RPA3: variants seen among roughly 807,000 people sequenced by gnomAD.
The protein encoded by RPA3 is replication protein A 14 kDa subunit.
In RPA3, 24 loss-of-function variants were observed where a neutral mutation model predicts 13.7. The observed-to-expected ratio is 1.75, with a 90% CI of 1.27 to 2.46. The LOEUF is 2.46. Ranked by LOEUF, RPA3 falls within the 30% of genes most tolerant of loss-of-function variation. RPA3 has a pLI of 0.00. For missense variants in RPA3, 183 were observed against 151.0 expected (o/e 1.21, Z -1.11); for synonymous variants, 59 against 51.2 (o/e 1.15, Z -0.65).
At chr7:7,715,822 A>G (rs1304200439) in intron 1 of RPA3, among the ~76,000 whole-genome samples, 2 of 152,236 alleles carry the variant, frequency 1.3e-5, no homozygotes, top group African/African-American at 2.4e-5. Context: ...TAGCAGTCAT[A>G]TAAAATAGAA....
At chr7:7,637,371 T>C (rs141653473) in intron 7 of RPA3, among the ~76,000 whole-genome samples, 1 of 152,202 alleles carries the variant, frequency 6.6e-6, no homozygotes, top group Admixed American at 6.5e-5. Flanking sequence ...AAAAAACTAA[T>C]ACTATTTTTG....
chr7:7,660,449 C>G (rs12702632), intron 4 of RPA3, among the ~76,000 whole-genome samples: 20,600 of 152,184 alleles, frequency 0.14, 1,712 homozygotes, highest in Middle Eastern at 0.24. Context: ...CCTGTTGTTC[C>G]TTTCCATGTT....
At position 7,685,480 on chromosome 7, in the gene RPA3, T is replaced by G. The variant is rs545178639; in HGVS notation, c.-758+350A>C. Among the ~76,000 whole-genome samples the G allele has an allele frequency of 5.9e-5, 9 of 152,224 alleles. No homozygotes were observed. The South Asian group carries it at 6.2e-4, about 11-fold the overall frequency. The stretch of plus-strand genomic sequence containing the variant: ...GTGCGCCACCACGCCCACCAAGTTT[T>G]GTATTTTTAGTAGAGAAGGAGTTTC... On this transcript the variant is annotated intron_variant, in intron 4 of 7. Coordinates refer to ENST00000223129, the MANE Select transcript of RPA3 (RefSeq NM_002947.5).
intron 2 of RPA3, among the ~76,000 whole-genome samples, chr7:7,695,094 A>G (rs956869577): frequency 5.3e-5 from 8 of 152,154 alleles, no homozygotes; most frequent in African/African-American, 1.9e-4. Context: ...CTGGGGTGAG[A>G]TGATATCTTG....
intron 4 of RPA3, among the ~76,000 whole-genome samples, chr7:7,654,495 T>A (rs1785296461): frequency 1.3e-5 from 2 of 152,382 alleles, no homozygotes; most frequent in South Asian, 4.1e-4. Flanking sequence ...AATCCACAGA[T>A]GCTCAAGTGC....
At chr7:7,650,733 G>T (rs934372382) in intron 4 of RPA3, among the ~76,000 whole-genome samples, 3 of 152,210 alleles carry the variant, frequency 2.0e-5, no homozygotes, top group African/African-American at 4.8e-5. Flanking sequence ...TCTGCATCCT[G>T]AACCCAGAAT....
intron 4 of RPA3, among the ~76,000 whole-genome samples, chr7:7,662,221 GC>G (rs1333383965): frequency 6.6e-6 from 1 of 152,192 alleles, no homozygotes; most frequent in African/African-American, 2.4e-5. Flanking sequence ...ATAATTTCAA[GC>G]CAGTGGATCT....
intron 4 of RPA3, among the ~76,000 whole-genome samples, chr7:7,652,849 T>C (rs1785254568): frequency 6.6e-6 from 1 of 152,218 alleles, no homozygotes; most frequent in Non-Finnish European, 1.5e-5. Context: ...CAAATAATTT[T>C]TAGTTGGCAG....
chr7:7,647,231 T>G (rs1785118558), intron 4 of RPA3, among the ~76,000 whole-genome samples: 1 of 152,228 alleles, frequency 6.6e-6, no homozygotes, highest in Non-Finnish European at 1.5e-5. Flanking sequence ...TTTCAGCATA[T>G]TTCTTTTTTG....
chr7:7,668,276 G>A (rs1308546120), intron 4 of RPA3, among the ~76,000 whole-genome samples: 1 of 152,076 alleles, frequency 6.6e-6, no homozygotes, highest in Non-Finnish European at 1.5e-5. Flanking sequence ...CTACTGTAAG[G>A]ATTATAGGAG....
At chr7:7,680,894 A>G (rs138985417) in intron 4 of RPA3, among the ~76,000 whole-genome samples, 17 of 152,114 alleles carry the variant, frequency 1.1e-4, no homozygotes, top group South Asian at 4.1e-4. Context: ...TTGATTTTGT[A>G]TGCCGTAACC....
chr7:7,673,290 T>C, intron 4 of RPA3: 1 of 1,166,440 alleles, frequency 8.6e-7, no homozygotes, highest in Non-Finnish European at 1.2e-6. Context: ...TTTGACATTG[T>C]GTAATGTTTC....
chr7:7,655,649 C>T (rs1468064102), intron 4 of RPA3, among the ~76,000 whole-genome samples: 1 of 152,132 alleles, frequency 6.6e-6, no homozygotes, highest in Non-Finnish European at 1.5e-5. Flanking sequence ...TTTATTAACT[C>T]ATATAACTTC....
chr7:7,709,323 T>C (rs1416969921), intron 2 of RPA3, among the ~76,000 whole-genome samples: 1 of 152,214 alleles, frequency 6.6e-6, no homozygotes, highest in Non-Finnish European at 1.5e-5. Context: ...ACTTGTTCAA[T>C]TGTGGGTCGT....
chr7:7,659,520 G>A (rs1785423809), intron 4 of RPA3, among the ~76,000 whole-genome samples: 1 of 152,108 alleles, frequency 6.6e-6, no homozygotes, highest in Non-Finnish European at 1.5e-5. Context: ...GTTCTCATTG[G>A]TTTCAAAGAA....
At chr7:7,690,088 T>C (rs1250376483) in intron 2 of RPA3, among the ~76,000 whole-genome samples, 1 of 152,182 alleles carries the variant, frequency 6.6e-6, no homozygotes, top group Non-Finnish European at 1.5e-5. Flanking sequence ...CCCATTTGAT[T>C]TTCAGGAACG....
At chr7:7,677,680 T>G (rs1253557292) in intron 4 of RPA3, among the ~76,000 whole-genome samples, 8 of 140,140 alleles carry the variant, frequency 5.7e-5, no homozygotes, top group African/African-American at 8.1e-5. Context: ...TTTTTTTTTT[T>G]TTTTTTTTTT....
chr7:7,688,363 G>A (rs1287817709), intron 2 of RPA3, among the ~76,000 whole-genome samples: 1 of 152,064 alleles, frequency 6.6e-6, no homozygotes, highest in Non-Finnish European at 1.5e-5. Context: ...TAGAATGTGA[G>A]AACCTTTTTA....
At chr7:7,648,531 A>C (rs190740924) in intron 4 of RPA3, among the ~76,000 whole-genome samples, 1 of 152,298 alleles carries the variant, frequency 6.6e-6, no homozygotes, top group African/African-American at 2.4e-5. Context: ...GCTATTACAG[A>C]ATACCACAGA....
Sources: allele counts gnomAD v4.1 joint callset (sites outside exome capture counted in the v4.1 genomes callset), GRCh38; gene constraint gnomAD v4.1.1; transcripts MANE v1.5; gene names NCBI Gene and HGNC (gene_info 2026-07-23, HGNC 2026-07-21).